The following BRINP2 variants were observed in gnomAD, a reference collection of about 807,000 sequenced individuals.
BRINP2 encodes BMP/retinoic acid inducible neural specific 2.
BRINP2 carries 21 observed loss-of-function variants against 69.2 expected under a neutral mutation model. The observed-to-expected ratio is 0.30, with a 90% CI of 0.22 to 0.44. The LOEUF (loss-of-function observed/expected upper bound fraction) is 0.44. BRINP2 is among the 20% of genes least tolerant of loss of function. The pLI is 1.00. For missense variants in BRINP2, 877 were observed against 986.0 expected, an observed-to-expected ratio of 0.89 and a Z score of 1.48; for synonymous variants, 380 against 394.1, an observed-to-expected ratio of 0.96 and a Z score of 0.42.
At chr1:177,244,668 C>T (rs913484604) in intron 2 of BRINP2, among the ~76,000 whole-genome samples, 1 of 151,768 alleles carries the variant, frequency 6.6e-6, no homozygotes, top group African/African-American at 2.4e-5. Flanking sequence ...TTTATTCTTA[C>T]TCATTCATGT....
At chr1:177,181,508 G>C (rs562065786) in intron 1 of BRINP2, among the ~76,000 whole-genome samples, 4 of 152,350 alleles carry the variant, frequency 2.6e-5, no homozygotes, top group East Asian at 1.9e-4. Context: ...CTAGGCTGTA[G>C]TCTGGCAGGC....
chr1:177,173,952 A>C (rs539783841), intron 1 of BRINP2, among the ~76,000 whole-genome samples: 2 of 152,230 alleles, frequency 1.3e-5, no homozygotes, highest in South Asian at 4.1e-4. Context: ...ATTTTTGGTG[A>C]TTCAACTCTT....
chr1:177,239,347 T>G (rs933889929), intron 2 of BRINP2, among the ~76,000 whole-genome samples: 1 of 152,258 alleles, frequency 6.6e-6, no homozygotes, highest in Non-Finnish European at 1.5e-5. Flanking sequence ...ATGTGTTGGT[T>G]GTGCACTGCT....
chr1:177,172,734 G>GTC (rs1647974088), intron 1 of BRINP2, among the ~76,000 whole-genome samples: 1 of 152,202 alleles, frequency 6.6e-6, no homozygotes, highest in Admixed American at 6.5e-5. Flanking sequence ...CCTCTGTAAA[G>GTC]AATTGTGTGT....
chr1:177,267,579 A>G (rs1651168567), intron 4 of BRINP2, among the ~76,000 whole-genome samples: 1 of 152,160 alleles, frequency 6.6e-6, no homozygotes, highest in Middle Eastern at 3.2e-3. Context: ...TATTATTTGA[A>G]TTTTATGAGT....
chr1:177,281,034 G>A lies in BRINP2; in HGVS notation c.1858G>A (p.Ala620Thr). ...TGACTGGGAAAGGACTAACGTGGAT[G>A]CAGCTGCCCAGTGCCAAAACTGGAC... is the stretch of plus-strand genomic sequence containing the variant. Reference protein sequence around the residue: ...FPDWERTNVDAAAQCQNWTIT... With the variant: ...FPDWERTNVDTAAQCQNWTIT... The change falls in exon 8 of 8, where the codon GCA (alanine) becomes ACA (threonine). Residue 620 changes from alanine to threonine, a missense_variant. Coordinates refer to ENST00000361539, the MANE Select transcript of BRINP2 (RefSeq NM_021165.4). 2 of 1,614,218 alleles carry A rather than the reference G, an allele frequency of 1.2e-6. No individual in the cohort carries two copies. Among genetic ancestry groups the A allele is most frequent in the Non-Finnish European group, 8.5e-7 (1 of 1,180,036 alleles).
intron 1 of BRINP2, among the ~76,000 whole-genome samples, chr1:177,222,888 G>T (rs564727107): frequency 2.0e-5 from 3 of 152,224 alleles, no homozygotes; most frequent in African/African-American, 7.2e-5. Context: ...TCTCAGGGCC[G>T]CAAGGAGTGG....
At chr1:177,217,837 C>G (rs1250905195) in intron 1 of BRINP2, among the ~76,000 whole-genome samples, 1 of 152,308 alleles carries the variant, frequency 6.6e-6, no homozygotes, top group East Asian at 1.9e-4. Flanking sequence ...CTGAGCTCTA[C>G]TACTAGGCTG....
chr1:177,235,885 C>T (rs944687360), intron 2 of BRINP2, among the ~76,000 whole-genome samples: 7 of 152,244 alleles, frequency 4.6e-5, no homozygotes, highest in African/African-American at 7.2e-5. Context: ...TTAGCTCTTC[C>T]GCATAAACCA....
At chr1:177,200,616 A>G (rs919561014) in intron 1 of BRINP2, among the ~76,000 whole-genome samples, 2 of 151,764 alleles carry the variant, frequency 1.3e-5, no homozygotes, top group Non-Finnish European at 2.9e-5. Flanking sequence ...TTTGGTTTCT[A>G]TCTCATTTGC....
intron 1 of BRINP2, among the ~76,000 whole-genome samples, chr1:177,182,531 G>T (rs1648291961): frequency 6.6e-6 from 1 of 152,122 alleles, no homozygotes; most frequent in Non-Finnish European, 1.5e-5. Context: ...TTTATGCAAA[G>T]GCTCAAGCAG....
At chr1:177,280,342 C>T (rs1651648263) in intron 7 of BRINP2, 70 bp from the exon 8 acceptor site, 1 of 1,429,602 alleles carries the variant, frequency 7.0e-7, no homozygotes, top group Non-Finnish European at 9.5e-7. Context: ...CAATGTCTTG[C>T]TGCCCTTAAG....
intron 1 of BRINP2, among the ~76,000 whole-genome samples, chr1:177,179,132 T>G (rs929908769): frequency 6.6e-6 from 1 of 152,204 alleles, no homozygotes; most frequent in Non-Finnish European, 1.5e-5. Context: ...CATTCTTTAT[T>G]ACTATGGTAT....
chr1:177,201,053 G>A (rs1432847987), intron 1 of BRINP2, among the ~76,000 whole-genome samples: 1 of 152,092 alleles, frequency 6.6e-6, no homozygotes, highest in Non-Finnish European at 1.5e-5. Flanking sequence ...GGGAGTTGGT[G>A]AGGGATAAAA....
rs542277776 is a variant in BRINP2, at chr1:177,200,013, C to T, written c.-77+28281C>T. On this transcript the variant is annotated intron_variant, in intron 1 of 7. Coordinates refer to ENST00000361539, the MANE Select transcript of BRINP2 (RefSeq NM_021165.4). ...TCCTAGAATGTATTCTCAGGCCAGGCGCCAGGTGTGGGACACACCTGTAAT... is the reference window on the plus strand; with the variant it reads ...TCCTAGAATGTATTCTCAGGCCAGGTGCCAGGTGTGGGACACACCTGTAAT... Among the ~76,000 whole-genome samples the T allele has an allele frequency of 2.0e-4, 31 of 152,182 alleles. No individual in the cohort carries two copies. The South Asian group carries it at 4.8e-3, about 23-fold the overall frequency.
intron 1 of BRINP2, among the ~76,000 whole-genome samples, chr1:177,201,755 G>C (rs917306326): frequency 1.3e-5 from 2 of 152,130 alleles, no homozygotes; most frequent in African/African-American, 4.8e-5. Context: ...CTATTGACTG[G>C]AATAGTTTCA....
Position 177,276,373 on chromosome 1 carries a change from G to A in BRINP2, c.951G>A (p.Glu317=), listed in dbSNP as rs778077914. 10 of 1,614,192 alleles carry A rather than the reference G, an allele frequency of 6.2e-6. No individual in the cohort carries two copies. The East Asian group carries it at 8.9e-5, about 14-fold the overall frequency. ...CTGATGCTGACATCCAGGCCATGGA[G>A]GACAGCCTGCTGCAGATCCAGGACT... is the stretch of plus-strand genomic sequence containing the variant. The part of the protein sequence containing the change: ...NCPDADIQAM[E]DSLLQIQDSW... Residue 317 remains glutamate, a synonymous_variant, in exon 6 of 8, where the codon GAG becomes GAA. Transcript: ENST00000361539.
At chr1:177,192,093 G>T (rs1648612206) in intron 1 of BRINP2, among the ~76,000 whole-genome samples, 1 of 152,226 alleles carries the variant, frequency 6.6e-6, no homozygotes, top group Admixed American at 6.5e-5. Context: ...ATCTTTAAGT[G>T]TGGGATTCAT....
chr1:177,280,429 G>A lies in BRINP2; in HGVS notation c.1253G>A (p.Trp418Ter). 1.9e-6 allele frequency: 3 copies of A among 1,609,602 alleles called. No homozygotes were observed. Among genetic ancestry groups the A allele is most frequent in the Non-Finnish European group, 2.5e-6 (3 of 1,177,762 alleles). ...TCCCCAAGGTCCTTGTCCTACTGGTGGAACCGAATCCAGTCCCTCCTCTAC... is the reference window on the plus strand; with the variant it reads ...TCCCCAAGGTCCTTGTCCTACTGGTAGAACCGAATCCAGTCCCTCCTCTAC... ...LPKERSLSYW[W>*]NRIQSLLYCG... is the part of the protein sequence containing the mutation. The change falls in exon 8 of 8, where the codon TGG (tryptophan) becomes TAG (stop). Residue 418 changes from tryptophan (W) to a stop codon, truncating the protein, a stop_gained. Coordinates refer to ENST00000361539, the MANE Select transcript of BRINP2 (RefSeq NM_021165.4). LOFTEE classifies it high-confidence loss of function.
Sources: allele counts gnomAD v4.1 joint callset (sites outside exome capture counted in the v4.1 genomes callset), GRCh38; gene constraint gnomAD v4.1.1; transcripts MANE v1.5; gene names NCBI Gene and HGNC (gene_info 2026-07-23, HGNC 2026-07-21).